The following CFAP20 variants were observed in gnomAD, a reference collection of about 807,000 sequenced individuals.
The protein encoded by CFAP20 is cilia- and flagella-associated protein 20.
Under a neutral mutation model 25.5 loss-of-function variants are expected in CFAP20, and 14 were observed. The observed-to-expected ratio is 0.55, with a 90% CI of 0.36 to 0.86. The LOEUF is 0.86. CFAP20 is among the 40% of genes least tolerant of loss of function. CFAP20 has a pLI of 0.01. For synonymous variants in CFAP20, 75 were observed against 91.1 expected (o/e 0.82, Z 1.01); for missense variants, 181 against 248.0 (o/e 0.73, Z 1.81).
chr16:58,115,301 C>T lies in CFAP20; in HGVS notation c.433G>A (p.Gly145Ser), dbSNP rs767826166. The part of the protein sequence containing the change: ...NLLDFTRRAY[G>S]TNYIETLRVQ... ...CTGAGGGTCTCGATGTAATTGGTGCCGTATGCTCGCCGTGTGAAGTCTAGC... is the reference window on the plus strand; with the variant it reads ...CTGAGGGTCTCGATGTAATTGGTGCTGTATGCTCGCCGTGTGAAGTCTAGC... The change falls in exon 4 of 6, where the codon GGC becomes AGC. Residue 145 changes from glycine (G) to serine (S), a missense_variant. Gly to Ser is a moderately conservative substitution (Grantham distance 56, BLOSUM62 0). Transcript: ENST00000262498. 1.3e-5 allele frequency: 21 copies of T among 1,614,052 alleles called. No homozygotes were observed. The highest frequency in any genetic ancestry group is 1.7e-5 in the Non-Finnish European group (20 of 1,180,044).
intron 1 of CFAP20, among the ~76,000 whole-genome samples, chr16:58,121,982 A>G (rs1319005311): frequency 1.3e-5 from 2 of 152,234 alleles, no homozygotes; most frequent in Admixed American, 6.5e-5. Flanking sequence ...CCTAGCTTTA[A>G]TGACACATGC....
At position 58,116,742 on chromosome 16, in the gene CFAP20, T is replaced by A. The variant is rs1035545281; in HGVS notation, c.164+130A>T. 9.3e-6 allele frequency: 7 copies of A among 749,568 alleles called. No individual in the cohort carries two copies. In the Admixed American group the frequency reaches 1.9e-4, roughly 20 times the overall value. The allele number at this position is 749,568 out of a possible 1,614,324, so 46.4% of individuals were successfully genotyped here. On this transcript the variant is annotated intron_variant, in intron 2 of 5. Coordinates refer to ENST00000262498, the MANE Select transcript of CFAP20 (RefSeq NM_013242.3). ...TCTGGGGGATTCAGTAACTTGCCCA[T>A]GGTAAGCTCTAAGTGGCAGAGATAG...
At chr16:58,118,679 A>G (rs577614801) in intron 1 of CFAP20, among the ~76,000 whole-genome samples, 116 of 151,888 alleles carry the variant, frequency 7.6e-4, no homozygotes, top group Non-Finnish European at 1.2e-3. Context: ...AAAATTAGCC[A>G]GGTGTAGTGG....
At chr16:58,117,909 C>T (rs1397421489) in intron 1 of CFAP20, among the ~76,000 whole-genome samples, 1 of 152,240 alleles carries the variant, frequency 6.6e-6, no homozygotes, top group East Asian at 1.9e-4. Flanking sequence ...ATCTGTGCCA[C>T]ACACAGATGC....
intron 2 of CFAP20, chr16:58,116,660 A>C (rs1597086523): frequency 3.7e-6 from 2 of 541,334 alleles, no homozygotes; most frequent in East Asian, 5.8e-5. Context: ...CCTCGCAATA[A>C]CCCTATAAGG....
intron 1 of CFAP20, chr16:58,119,184 G>C (rs1350937691): frequency 6.6e-6 from 1 of 152,184 alleles, no homozygotes; most frequent in African/African-American, 2.4e-5. Flanking sequence ...CTCATGGTCT[G>C]CCTGGTGTTC....
intron 1 of CFAP20, among the ~76,000 whole-genome samples, chr16:58,120,529 T>C (rs752790709): frequency 2.6e-5 from 4 of 152,208 alleles, no homozygotes; most frequent in Non-Finnish European, 4.4e-5. Flanking sequence ...CCAGCAGATA[T>C]GACCTATTCA....
intron 1 of CFAP20, among the ~76,000 whole-genome samples, chr16:58,125,396 A>T (rs1960598476): frequency 6.6e-6 from 1 of 152,236 alleles, no homozygotes; most frequent in African/African-American, 2.4e-5. Flanking sequence ...TTCTAAAATT[A>T]TGATAAGGCC....
intron 1 of CFAP20, among the ~76,000 whole-genome samples, chr16:58,128,394 G>A (rs1439208000): frequency 6.6e-6 from 1 of 152,210 alleles, no homozygotes; most frequent in East Asian, 1.9e-4. Context: ...GCAAGTCACA[G>A]TGAGTGTGGA....
chr16:58,116,174 A>G, intron 2 of CFAP20, 22 bp from the exon 3 acceptor site: 2 of 1,511,204 alleles, frequency 1.3e-6, no homozygotes, highest in Non-Finnish European at 1.8e-6. Context: ...GGAAATACTA[A>G]TAAACACACT....
In CFAP20 at chr16:58,118,517, A is replaced by C. The variant is rs1239220874; in HGVS notation, c.85-1566T>G. ...AAAAAAACAAAACAAAAAACGAAAA[A>C]AAAAAAACAAAACCAAAAAAACATG... is the stretch of plus-strand genomic sequence containing the variant. On this transcript the variant is annotated intron_variant, in intron 1 of 5. Transcript: ENST00000262498. Among the ~76,000 whole-genome samples the C allele has an allele frequency of 3.1e-4, 47 of 150,460 alleles. No homozygotes were observed. In the East Asian group the frequency reaches 7.4e-3, roughly 24 times the overall value.
At chr16:58,117,963 AT>A in intron 1 of CFAP20, among the ~76,000 whole-genome samples, 1 of 152,144 alleles carries the variant, frequency 6.6e-6, no homozygotes, top group Middle Eastern at 3.4e-3. Flanking sequence ...CTTTTCTCTG[AT>A]TTGTTTTTCT....
chr16:58,116,134 G>T lies in CFAP20; in HGVS notation c.183C>A (p.Cys61Ter). ...CCAGCGTCTTCTTGGGGTCTGCAGGGCATGTGATATATGTGGTGCTGTAGA... is the reference window on the plus strand; with the variant it reads ...CCAGCGTCTTCTTGGGGTCTGCAGGTCATGTGATATATGTGGTGCTGTAGA... ...GTNVSTTYITCPADPKKTLGI... is the reference protein window; with the variant it reads ...GTNVSTTYIT The change falls in exon 3 of 6, where the codon TGC becomes TGA. Residue 61 changes from cysteine to a stop codon, truncating the protein, a stop_gained. Coordinates refer to ENST00000262498, the MANE Select transcript of CFAP20 (RefSeq NM_013242.3). LOFTEE classifies it high-confidence loss of function. 1 of 1,612,014 alleles carries T rather than the reference G, an allele frequency of 6.2e-7. No individual in the cohort carries two copies. The highest frequency in any genetic ancestry group is 8.5e-7 in the Non-Finnish European group (1 of 1,178,094).
rs1960435807 is a variant in CFAP20 at position 58,114,872 on chromosome 16, A to G, written c.514T>C (p.Tyr172His). The stretch of plus-strand genomic sequence containing the variant: ...TCTGCCGGCAGCTCATCTTCTGAGT[A>G]GAGTCTGTCTGAGAAGTAAACCCGT... ...IRRVYFSDRL[Y>H]SEDELPAEFK... is the part of the protein sequence containing the mutation. The change falls in exon 5 of 6, where the codon TAC becomes CAC. Residue 172 changes from tyrosine (Y) to histidine (H), a missense_variant. Coordinates refer to ENST00000262498, the MANE Select transcript of CFAP20 (RefSeq NM_013242.3). 1.2e-6 allele frequency: 2 copies of G among 1,614,020 alleles called. No individual in the cohort carries two copies. The highest frequency in any genetic ancestry group is 8.5e-7 in the Non-Finnish European group (1 of 1,179,994).
intron 2 of CFAP20, 26 bp from the exon 3 acceptor site, chr16:58,116,178 A>C: frequency 1.3e-6 from 2 of 1,496,812 alleles, no homozygotes; most frequent in Non-Finnish European, 1.9e-6. Flanking sequence ...ATACTAATAA[A>C]CACACTCCTG....
At chr16:58,120,680 G>T (rs1340549752) in intron 1 of CFAP20, among the ~76,000 whole-genome samples, 2 of 152,194 alleles carry the variant, frequency 1.3e-5, no homozygotes, top group African/African-American at 4.8e-5. Context: ...TTACTAAAGA[G>T]ATTTCTTTTT....
At position 58,116,161 on chromosome 16, in the gene CFAP20, A is replaced by G; in HGVS notation, c.165-9T>C. ...ATGTGATATATGTGGTGCTGTAGAG[A>G]GAGGAAATACTAATAAACACACTCC... On this transcript the variant is annotated splice_polypyrimidine_tract_variant and intron_variant, in intron 2 of 5. Coordinates refer to ENST00000262498, the MANE Select transcript of CFAP20 (RefSeq NM_013242.3). 6.3e-7 allele frequency: 1 copy of G among 1,581,576 alleles called. No homozygotes were observed. Among genetic ancestry groups the G allele is most frequent in the Non-Finnish European group, 8.7e-7 (1 of 1,150,812 alleles).
intron 1 of CFAP20, among the ~76,000 whole-genome samples, chr16:58,123,378 C>T (rs1960563015): frequency 2.0e-5 from 3 of 147,464 alleles, no homozygotes; most frequent in East Asian, 4.1e-4. Context: ...AGGCGGATCA[C>T]GAGGTCAGGA....
chr16:58,115,955 C>T (rs1167587538), intron 3 of CFAP20, 86 bp downstream of exon 3: 6 of 938,374 alleles, frequency 6.4e-6, no homozygotes, highest in Non-Finnish European at 1.0e-5. Context: ...GATAAAGATA[C>T]TTTGTAGGGT....
Sources: allele counts gnomAD v4.1 joint callset (sites outside exome capture counted in the v4.1 genomes callset), GRCh38; gene constraint gnomAD v4.1.1; transcripts MANE v1.5; gene names NCBI Gene and HGNC (gene_info 2026-07-23, HGNC 2026-07-21).